ERG: variants seen among roughly 807,000 people sequenced by gnomAD.
The protein encoded by ERG is ETS transcription factor ERG.
In ERG, 9 loss-of-function variants were observed where a neutral mutation model predicts 55.3. The observed-to-expected ratio is 0.16, with a 90% CI of 0.10 to 0.28. ERG has a LOEUF of 0.28. ERG is among the 10% of genes least tolerant of loss of function. ERG has a pLI of 1.00. For missense variants in ERG, 434 were observed against 631.6 expected, an observed-to-expected ratio of 0.69 and a Z score of 3.35; for synonymous variants, 223 against 237.3, an observed-to-expected ratio of 0.94 and a Z score of 0.55.
chr21:38,565,795 T>A (rs1206915191), intron 2 of ERG, among the ~76,000 whole-genome samples: 1 of 152,186 alleles, frequency 6.6e-6, no homozygotes, highest in Non-Finnish European at 1.5e-5. Flanking sequence ...TTGTAACTAT[T>A]CCCTTGAGCA....
chr21:38,466,299 G>GA (rs1473743537), intron 1 of ERG, among the ~76,000 whole-genome samples: 1 of 125,800 alleles, frequency 7.9e-6, no homozygotes, highest in Non-Finnish European at 1.7e-5. Flanking sequence ...TGATGGTCTG[G>GA]GGTGTGTGTG....
intron 1 of ERG, among the ~76,000 whole-genome samples, chr21:38,616,034 AG>A (rs2060256995): frequency 6.6e-6 from 1 of 152,112 alleles, no homozygotes; most frequent in African/African-American, 2.4e-5. Flanking sequence ...GTGTCAAGAA[AG>A]GGAGGTGATT....
chr21:38,618,950 G>A (rs953226222), intron 1 of ERG, among the ~76,000 whole-genome samples: 5 of 152,328 alleles, frequency 3.3e-5, no homozygotes, highest in Admixed American at 2.0e-4. Flanking sequence ...TACTCAATAA[G>A]TCAAAGTTAG....
chr21:38,495,013 C>G (rs1023812910), intron 1 of ERG, among the ~76,000 whole-genome samples: 1 of 152,242 alleles, frequency 6.6e-6, no homozygotes. Context: ...CGGCATTTTG[C>G]CCCTGGCCTT....
At chr21:38,615,268 T>C (rs2060251688) in intron 1 of ERG, among the ~76,000 whole-genome samples, 1 of 152,106 alleles carries the variant, frequency 6.6e-6, no homozygotes, top group Admixed American at 6.5e-5. Context: ...GCCTCACCAA[T>C]AGATAAAATG....
rs551763041 is a variant in ERG at position 38,459,904 on chromosome 21, A to G, written c.19-14283T>C. 2.6e-5 allele frequency among the ~76,000 whole-genome samples: 4 copies of G among 152,332 alleles called. No individual in the cohort carries two copies. In the South Asian group the frequency reaches 8.3e-4, roughly 32 times the overall value. On this transcript the variant is annotated intron_variant, in intron 1 of 9. Coordinates refer to ENST00000288319, the MANE Select transcript of ERG (RefSeq NM_182918.4). ...ATTTTTGAAAATCAATTAATCAACCAATAATTGATAGGGTAAATTTATAAC... is the reference window on the plus strand; with the variant it reads ...ATTTTTGAAAATCAATTAATCAACCGATAATTGATAGGGTAAATTTATAAC...
intron 2 of ERG, among the ~76,000 whole-genome samples, chr21:38,427,655 C>A (rs1406274308): frequency 6.6e-6 from 1 of 152,100 alleles, no homozygotes; most frequent in African/African-American, 2.4e-5. Context: ...AAGACAATGT[C>A]TTTTCAAAGG....
intron 1 of ERG, among the ~76,000 whole-genome samples, chr21:38,582,770 G>A (rs556706695): frequency 4.6e-5 from 7 of 151,276 alleles, no homozygotes; most frequent in East Asian, 1.9e-4. Context: ...TTTTTGAGAC[G>A]GAGTCTTGCT....
chr21:38,500,348 C>A (rs2059412117), upstream of ERG, among the ~76,000 whole-genome samples: 1 of 152,224 alleles, frequency 6.6e-6, no homozygotes, highest in Non-Finnish European at 1.5e-5. Context: ...TTGTTCCCTG[C>A]AGCAGGAAAG....
At chr21:38,404,096 T>C (rs1199777839) in intron 3 of ERG, among the ~76,000 whole-genome samples, 1 of 152,200 alleles carries the variant, frequency 6.6e-6, no homozygotes, top group African/African-American at 2.4e-5. Flanking sequence ...GGTATATTTA[T>C]ATATATTTAT....
rs575564863 is a variant in ERG at position 38,429,250 on chromosome 21, GT to G, written c.237-5690del. On this transcript the variant is annotated intron_variant, in intron 2 of 9. Coordinates refer to ENST00000288319, the MANE Select transcript of ERG (RefSeq NM_182918.4). Reference sequence around the variant, plus strand: ...ATGGGTGCATAGTATTCCATGGTGTGTGTGTGTATATACACACACGCATATA... The same window carrying G: ...ATGGGTGCATAGTATTCCATGGTGTGGTGTGTATATACACACACGCATATA... 6.3e-3 allele frequency among the ~76,000 whole-genome samples: 948 copies of G among 150,694 alleles called. 8 individuals are homozygous for G. Among genetic ancestry groups the G allele is most frequent in the Middle Eastern group, 0.01 (3 of 292 alleles).
chr21:38,556,702 G>C (rs1355923359), intron 2 of ERG, among the ~76,000 whole-genome samples: 1 of 152,148 alleles, frequency 6.6e-6, no homozygotes, highest in African/African-American at 2.4e-5. Context: ...TGGCTGAAAA[G>C]AAAGGCTTCT....
At chr21:38,598,016 G>A (rs943677677) in intron 1 of ERG, among the ~76,000 whole-genome samples, 24 of 152,152 alleles carry the variant, frequency 1.6e-4, no homozygotes, top group African/African-American at 5.6e-4. Flanking sequence ...GTTGTGTGGA[G>A]GTCAATCTCA....
chr21:38,642,076 G>A (rs1255849910), intron 1 of ERG, among the ~76,000 whole-genome samples: 2 of 152,154 alleles, frequency 1.3e-5, no homozygotes, highest in Non-Finnish European at 2.9e-5. Context: ...GACATACGAT[G>A]GAATACTAGA....
At chr21:38,403,731 T>C in intron 3 of ERG, 22 bp from the exon 4 acceptor site, 1 of 1,610,034 alleles carries the variant, frequency 6.2e-7, no homozygotes. Context: ...GGGAACACAT[T>C]CAGTCAATTC....
At chr21:38,601,686 G>C (rs904252629) in intron 1 of ERG, among the ~76,000 whole-genome samples, 1 of 152,110 alleles carries the variant, frequency 6.6e-6, no homozygotes, top group Non-Finnish European at 1.5e-5. Flanking sequence ...CTATTTCCAT[G>C]TGCCAGCATT....
chr21:38,611,210 C>G (rs935021269), intron 1 of ERG, among the ~76,000 whole-genome samples: 3 of 152,112 alleles, frequency 2.0e-5, no homozygotes, highest in Admixed American at 6.5e-5. Flanking sequence ...GCCACTGTCA[C>G]CCCTCAACTG....
At chr21:38,446,631 A>G (rs1325864768) in intron 1 of ERG, among the ~76,000 whole-genome samples, 3 of 152,162 alleles carry the variant, frequency 2.0e-5, no homozygotes, top group Non-Finnish European at 4.4e-5. Flanking sequence ...CATCCTCAGT[A>G]TTGACATCAA....
chr21:38,457,149 TCA>T (rs2146586093), intron 1 of ERG, among the ~76,000 whole-genome samples: 1 of 152,344 alleles, frequency 6.6e-6, no homozygotes, highest in Non-Finnish European at 1.5e-5. Flanking sequence ...ACTTTGAAAG[TCA>T]CAAGCCTGGG....
Sources: gnomAD v4.1 joint callset for allele counts (sites outside exome capture counted in the v4.1 genomes callset) on GRCh38, gnomAD v4.1.1 for gene constraint, MANE v1.5 for transcripts, NCBI Gene and HGNC (gene_info 2026-07-23, HGNC 2026-07-21) for gene names.